HEATR3: variants seen among roughly 807,000 people sequenced by gnomAD.
HEATR3 encodes the protein HEAT repeat containing 3, also known as HEAT repeat-containing protein 3.
In HEATR3, 56 loss-of-function variants were observed where a neutral mutation model predicts 72.8. That is an observed-to-expected ratio of 0.77 (90% CI 0.62 to 0.96). The LOEUF is 0.96. Ranked by LOEUF, HEATR3 falls within the 40% of genes least tolerant of loss-of-function variation. The pLI, the probability that HEATR3 is intolerant of heterozygous loss-of-function variation, is 0.00. For missense variants in HEATR3, 747 were observed against 831.4 expected (o/e 0.90, Z 1.25); for synonymous variants, 331 against 318.1 (o/e 1.04, Z -0.43).
chr16:50,066,722 C>G (rs978800212), intron 2 of HEATR3, 183 bp downstream of exon 2: 1 of 505,944 alleles, frequency 2.0e-6, no homozygotes, highest in Admixed American at 4.4e-5. Context: ...CGCATCTCAT[C>G]TGTCCACCTG....
At chr16:50,067,076 G>A (rs1179604121) in intron 2 of HEATR3, among the ~76,000 whole-genome samples, 1 of 152,148 alleles carries the variant, frequency 6.6e-6, no homozygotes, top group Non-Finnish European at 1.5e-5. Context: ...CTCTTGGGCC[G>A]GGCGCGGTGG....
intron 6 of HEATR3, among the ~76,000 whole-genome samples, chr16:50,076,098 A>C (rs1179264833): frequency 2.0e-5 from 3 of 151,932 alleles, no homozygotes; most frequent in Non-Finnish European, 4.4e-5. Flanking sequence ...AGGTCTGTTT[A>C]GTATGTACTT....
At position 50,106,388 on chromosome 16, in the gene HEATR3, G is replaced by A. The variant is rs1345037667; in HGVS notation, c.*1327G>A. On this transcript the variant is annotated 3_prime_UTR_variant, in exon 15 of 15. Transcript: ENST00000299192. ...TAAATAAACAACTTTTTAATGGAAA[G>A]TTTTGTGTCTTACAAAATCTTTTTT... The A allele has an allele frequency of 6.6e-6, 1 of 152,116 alleles. No individual in the cohort carries two copies. Among genetic ancestry groups the A allele is most frequent in the Non-Finnish European group, 1.5e-5 (1 of 68,016 alleles). 9.4% of individuals were successfully genotyped at this position (152,116 alleles called of 1,614,324 possible).
Position 50,084,642 on chromosome 16 carries a change from T to C in HEATR3, c.1364T>C (p.Leu455Ser). Reference protein sequence around the residue: ...LCSRNPTWKPLIRKMNTIQCR... With the variant: ...LCSRNPTWKPSIRKMNTIQCR... The stretch of plus-strand genomic sequence containing the variant: ...TCTAGGAACCCTACTTGGAAACCTT[T>C]GATTAGAAAGTAAGAACTCTTCTGC... Residue 455 changes from leucine (L) to serine (S), a missense_variant, in exon 10 of 15, where the codon TTG becomes TCG. Leu to Ser is a moderately radical substitution (Grantham distance 145). Coordinates refer to ENST00000299192, the MANE Select transcript of HEATR3 (RefSeq NM_182922.4). 6.2e-7 allele frequency: 1 copy of C among 1,603,538 alleles called. No individual in the cohort carries two copies. The highest frequency in any genetic ancestry group is 8.5e-7 in the Non-Finnish European group (1 of 1,172,076).
intron 5 of HEATR3, chr16:50,073,574 TTGG>T (rs1423175011): frequency 6.6e-6 from 1 of 152,202 alleles, no homozygotes; most frequent in Non-Finnish European, 1.5e-5. Context: ...AAATGGAATC[TTGG>T]TGGGGCTGGA....
intron 11 of HEATR3, among the ~76,000 whole-genome samples, chr16:50,087,775 A>G (rs1194374615): frequency 6.6e-6 from 1 of 152,126 alleles, no homozygotes; most frequent in Non-Finnish European, 1.5e-5. Flanking sequence ...TATTCAGTGT[A>G]TTCTTCATAT....
intron 4 of HEATR3, 47 bp downstream of exon 4, chr16:50,070,337 C>T: frequency 2.2e-6 from 2 of 921,856 alleles, no homozygotes; most frequent in Non-Finnish European, 3.5e-6. Flanking sequence ...AGTACCCAGG[C>T]TGCTATTCTC....
intron 10 of HEATR3, among the ~76,000 whole-genome samples, chr16:50,084,986 T>A (rs2036956922): frequency 6.6e-6 from 1 of 152,206 alleles, no homozygotes; most frequent in Non-Finnish European, 1.5e-5. Context: ...ACTTACATTG[T>A]TGAACCAAAA....
intron 2 of HEATR3, among the ~76,000 whole-genome samples, chr16:50,067,743 C>T (rs1432582673): frequency 6.6e-6 from 1 of 152,166 alleles, no homozygotes; most frequent in Non-Finnish European, 1.5e-5. Context: ...AGCTCTGTCT[C>T]TGTTTGTTAT....
chr16:50,103,117 A>G (rs2150631308), intron 14 of HEATR3, among the ~76,000 whole-genome samples: 1 of 152,296 alleles, frequency 6.6e-6, no homozygotes, highest in East Asian at 1.9e-4. Flanking sequence ...AGCTTGCAAG[A>G]TAAGAAAAAA....
intron 6 of HEATR3, among the ~76,000 whole-genome samples, chr16:50,077,729 G>A (rs1454975322): frequency 6.6e-6 from 1 of 152,060 alleles, no homozygotes; most frequent in Non-Finnish European, 1.5e-5. Context: ...TGTAGCATGT[G>A]TCAGAAATTC....
In HEATR3 at chr16:50,084,203, T is replaced by G. The variant is rs2036935857; in HGVS notation, c.1202T>G (p.Phe401Cys). Residue 401 changes from phenylalanine to cysteine, a missense_variant, in exon 9 of 15, where the codon TTC (phenylalanine) becomes TGC (cysteine). By Grantham distance (205) the Phe-to-Cys change is radical. Coordinates refer to ENST00000299192, the MANE Select transcript of HEATR3 (RefSeq NM_182922.4). ...DESDAFMENS[F>C]SECGGQLFSP... is the part of the protein sequence containing the mutation. ...AGTGACGCATTTATGGAGAATTCCT[T>G]CAGTGAGTGCGGGGGACAGCTGTTT... 1 of 1,614,098 alleles carries G rather than the reference T, an allele frequency of 6.2e-7. No individual in the cohort carries two copies. Among genetic ancestry groups the G allele is most frequent in the African/African-American group, 1.3e-5 (1 of 74,928 alleles).
chr16:50,066,073 C>G lies in HEATR3; in HGVS notation c.-59C>G. 1.3e-6 allele frequency: 2 copies of G among 1,530,160 alleles called. No homozygotes were observed. The highest frequency in any genetic ancestry group is 2.0e-5 in the Admixed American group (1 of 50,396). The allele number at this position is 1,530,160 out of a possible 1,614,324, so 94.8% of individuals were successfully genotyped here. ...CGGACCTTGTTAACGGCGCGGCAGC[C>G]TCCACCGCCTGCTGTTGCCCTCCTC... On this transcript the variant is annotated 5_prime_UTR_variant, in exon 1 of 15. Transcript: ENST00000299192.
chr16:50,106,069 G>A lies in HEATR3; in HGVS notation c.*1008G>A, dbSNP rs1344591185. The A allele has an allele frequency of 6.6e-6, 1 of 152,186 alleles. No individual in the cohort carries two copies. Among genetic ancestry groups the A allele is most frequent in the Non-Finnish European group, 1.5e-5 (1 of 68,028 alleles). The allele number at this position is 152,186 out of a possible 1,614,324, so 9.4% of individuals were successfully genotyped here. On this transcript the variant is annotated 3_prime_UTR_variant, in exon 15 of 15. Coordinates refer to ENST00000299192, the MANE Select transcript of HEATR3 (RefSeq NM_182922.4). ...GTTTTCCTTGAATTTTGCAAAGAAA[G>A]AAAATCCAAAGCATTGCTTGGATGT...
intron 9 of HEATR3, 34 bp from the exon 10 acceptor site, chr16:50,084,528 CTACTCTT>C (rs754083334): frequency 7.3e-7 from 1 of 1,368,038 alleles, no homozygotes; most frequent in South Asian, 1.2e-5. Flanking sequence ...TGTTAAATGA[CTACTCTT>C]TAACCTTTGC....
chr16:50,087,935 T>C (rs2037023610), intron 11 of HEATR3, among the ~76,000 whole-genome samples: 1 of 152,146 alleles, frequency 6.6e-6, no homozygotes, highest in Non-Finnish European at 1.5e-5. Flanking sequence ...GAGACCAGCC[T>C]GGCCAACATA....
rs1232903646 is a variant in HEATR3 at position 50,066,026 on chromosome 16, C to G, written c.-106C>G. ...GCCCATGTGTGCTGCAGCCGTCAGC[C>G]GGCCCAGCTGAGCAGCAGCAACGGA... On this transcript the variant is annotated 5_prime_UTR_variant, in exon 1 of 15. Transcript: ENST00000299192. The G allele has an allele frequency of 3.1e-6, 4 of 1,273,760 alleles. No homozygotes were observed. The African/African-American group carries it at 4.7e-5, about 15-fold the overall frequency. 78.9% of individuals were successfully genotyped at this position (1,273,760 alleles called of 1,614,324 possible). A position where few individuals can be genotyped will look rare whatever the true frequency, so the allele number is the denominator to read the frequency against.
chr16:50,078,921 A>G lies in HEATR3; in HGVS notation c.944A>G (p.Asn315Ser), dbSNP rs2036801983. 1 of 1,614,004 alleles carries G rather than the reference A, an allele frequency of 6.2e-7. No individual in the cohort carries two copies. Among genetic ancestry groups the G allele is most frequent in the Admixed American group, 1.7e-5 (1 of 60,022 alleles). ...GCAGAGGCTGAGGAAATATTAGAGA[A>G]CACTAATGGGGATGATTTGATTGAA... The part of the protein sequence containing the change: ...TAAEAEEILE[N>S]TNGDDLIEDD... The change falls in exon 7 of 15, where the codon AAC (asparagine) becomes AGC (serine). Residue 315 changes from asparagine to serine, a missense_variant. Coordinates refer to ENST00000299192, the MANE Select transcript of HEATR3 (RefSeq NM_182922.4).
Position 50,068,807 on chromosome 16 carries a change from A to G in HEATR3, c.339A>G (p.Glu113=). 1 of 1,613,972 alleles carries G rather than the reference A, an allele frequency of 6.2e-7. No individual in the cohort carries two copies. Residue 113 remains glutamate (E), a synonymous_variant, in exon 3 of 15, where the codon GAA becomes GAG. Coordinates refer to ENST00000299192, the MANE Select transcript of HEATR3 (RefSeq NM_182922.4). The stretch of plus-strand genomic sequence containing the variant: ...ATCTCAGTGCTTGTGGAGGTTTTGA[A>G]GTTTGTGATGACATGGTGACTAAGG... ...LRNLSACGGF[E]VCDDMVTKDI...
Sources: gnomAD v4.1 joint callset for allele counts (sites outside exome capture counted in the v4.1 genomes callset) on GRCh38, gnomAD v4.1.1 for gene constraint, MANE v1.5 for transcripts, NCBI Gene and HGNC (gene_info 2026-07-23, HGNC 2026-07-21) for gene names.